CHFR: variants seen among roughly 807,000 people sequenced by gnomAD.
The protein encoded by CHFR is E3 ubiquitin-protein ligase CHFR.
A neutral mutation model predicts 87.6 loss-of-function variants in CHFR; 57 were observed. The ratio of observed to expected loss-of-function variants is 0.65; its 90% CI spans 0.53 to 0.81. The LOEUF (loss-of-function observed/expected upper bound fraction) is 0.81, where lower values mean the gene tolerates loss of function less well. CHFR is among the 30% of genes least tolerant of loss of function. The probability of loss-of-function intolerance (pLI) is 0.00; values close to 1 mark genes in which losing one functional copy is unlikely to be tolerated. For missense variants in CHFR, 797 were observed against 865.8 expected, an observed-to-expected ratio of 0.92 and a Z score of 1.00; for synonymous variants, 381 against 359.2, an observed-to-expected ratio of 1.06 and a Z score of -0.69.
chr12:132,853,822 G>T, intron 10 of CHFR: 1 of 505,530 alleles, frequency 2.0e-6, no homozygotes, highest in Non-Finnish European at 3.4e-6. Flanking sequence ...CCCATCCCCA[G>T]GGTCACTAGG....
rs146711897 is a variant in CHFR, at chr12:132,877,804, A to G, written c.134-150T>C. The G allele has an allele frequency of 7.1e-4, 272 of 383,934 alleles. 1 individual carries two copies. In the East Asian group the frequency reaches 0.013, roughly 18 times the overall value. 23.8% of individuals were successfully genotyped at this position (383,934 alleles called of 1,614,324 possible). ...ACTTGACCAAGAAAGACATAAAGAA[A>G]TTTTTTTTTTTTTCTTGAGACGGAG... is the stretch of plus-strand genomic sequence containing the variant. On this transcript the variant is annotated intron_variant, in intron 2 of 17. Coordinates refer to ENST00000450056, the MANE Select transcript of CHFR (RefSeq NM_001161346.2).
chr12:132,861,511 T>G lies in CHFR; in HGVS notation c.707A>C (p.Gln236Pro). The change falls in exon 7 of 18, where the codon CAG becomes CCG. Residue 236 changes from glutamine (Q) to proline (P), a missense_variant. Physicochemically the swap from Gln to Pro is moderately conservative, Grantham distance 76. Transcript: ENST00000450056. The stretch of plus-strand genomic sequence containing the variant: ...CACGGGCTCCAAATCCTCCTGATCC[T>G]GGGGTTCCAACGACGAAAAGGACGC... ...KTASFSSLEP[Q>P]DQEDLEPVKK... is the part of the protein sequence containing the mutation. 1.2e-6 allele frequency: 2 copies of G among 1,614,204 alleles called. No individual in the cohort carries two copies. The highest frequency in any genetic ancestry group is 1.7e-6 in the Non-Finnish European group (2 of 1,180,034).
At chr12:132,868,282 A>AGATC (rs1378392068) in intron 6 of CHFR, among the ~76,000 whole-genome samples, 11 of 152,214 alleles carry the variant, frequency 7.2e-5, no homozygotes, top group African/African-American at 2.7e-4. Context: ...CGAGGTCAGG[A>AGATC]GATCGAGACC....
At chr12:132,867,984 G>A (rs953633115) in intron 6 of CHFR, 11 of 151,810 alleles carry the variant, frequency 7.2e-5, no homozygotes, top group African/African-American at 2.4e-4. Flanking sequence ...TGTATAGCGC[G>A]ATCCAATTTA....
intron 2 of CHFR, 48 bp downstream of exon 2, chr12:132,887,148 G>A (rs1430204040): frequency 7.7e-6 from 11 of 1,419,918 alleles, no homozygotes; most frequent in Admixed American, 3.0e-5. Context: ...CCCGCAACCC[G>A]GTGGCTCTGC....
chr12:132,861,593 A>G lies in CHFR; in HGVS notation c.625T>C (p.Ser209Pro). Residue 209 changes from serine to proline, a missense_variant, in exon 7 of 18, where the codon TCT becomes CCT. This residue lies in a region of CHFR where 597 missense variants were observed against 601.2 expected (regional missense o/e 0.99). Coordinates refer to ENST00000450056, the MANE Select transcript of CHFR (RefSeq NM_001161346.2). ...CTGGAGACTTCATCACTTGCCACAG[A>G]GGGACCACTTCCTTTAGGGGAGATG... ...GGISPKGSGP[S>P]VASDEVSSFA... is the part of the protein sequence containing the mutation. 1 of 1,614,196 alleles carries G rather than the reference A, an allele frequency of 6.2e-7. No individual in the cohort carries two copies.
chr12:132,846,785 C>T (rs1950839557), intron 15 of CHFR, among the ~76,000 whole-genome samples: 1 of 152,150 alleles, frequency 6.6e-6, no homozygotes, highest in African/African-American at 2.4e-5. Flanking sequence ...GAGGTTGATG[C>T]AGGAGAATCG....
chr12:132,866,653 C>T (rs1300037040), intron 6 of CHFR: 6 of 151,824 alleles, frequency 4.0e-5, no homozygotes, highest in African/African-American at 9.7e-5. Context: ...TACAACACAC[C>T]GGAATGTTAC....
At chr12:132,852,564 A>T (rs1438864729) in intron 11 of CHFR, among the ~76,000 whole-genome samples, 1 of 152,210 alleles carries the variant, frequency 6.6e-6, no homozygotes, top group Non-Finnish European at 1.5e-5. Context: ...TTCACCACCC[A>T]GGTTCACTGA....
chr12:132,854,813 AAAC>A (rs910831247), intron 10 of CHFR: 1 of 149,112 alleles, frequency 6.7e-6, no homozygotes, highest in African/African-American at 2.5e-5. Flanking sequence ...CTCAAAAAAC[AAAC>A]AAACAAAAAA....
intron 2 of CHFR, among the ~76,000 whole-genome samples, chr12:132,886,557 T>G (rs4758887): frequency 0.093 from 14,205 of 152,134 alleles, 1,400 homozygotes; most frequent in East Asian, 0.47. Flanking sequence ...GATGGTCACT[T>G]GGGAGACTGG....
At chr12:132,879,005 G>T (rs12821394) in intron 2 of CHFR, among the ~76,000 whole-genome samples, 37,897 of 133,422 alleles carry the variant, frequency 0.28, 5,298 homozygotes, top group Middle Eastern at 0.46. Context: ...TTTTGTTTTT[G>T]TTTGTTTTTT....
intron 16 of CHFR, 120 bp downstream of exon 16, chr12:132,843,907 C>G (rs527905433): frequency 1.7e-6 from 1 of 605,426 alleles, no homozygotes; most frequent in East Asian, 3.0e-5. Context: ...CGAGATTGCA[C>G]CACTGCACTC....
intron 2 of CHFR, among the ~76,000 whole-genome samples, chr12:132,881,568 C>G (rs11147140): frequency 0.15 from 22,592 of 152,066 alleles, 1,941 homozygotes; most frequent in Middle Eastern, 0.22. Flanking sequence ...TAAGAATTGG[C>G]TGAAAATACT....
In CHFR at chr12:132,885,673, G is replaced by A. The variant is rs575126193; in HGVS notation, c.133+1523C>T. Reference sequence around the variant, plus strand: ...TGTATAACATGTTACAATAACAATGGCTAATGCTAAGTGCTAACGCTAAAG... The same window carrying A: ...TGTATAACATGTTACAATAACAATGACTAATGCTAAGTGCTAACGCTAAAG... On this transcript the variant is annotated intron_variant, in intron 2 of 17. Transcript: ENST00000450056. 2.0e-5 allele frequency among the ~76,000 whole-genome samples: 3 copies of A among 152,174 alleles called. No individual in the cohort carries two copies. In the East Asian group the frequency reaches 5.8e-4, roughly 29 times the overall value.
Position 132,837,805 on chromosome 12 carries a change from C to T in CHFR, c.*3749G>A, listed in dbSNP as rs1241951528. The stretch of plus-strand genomic sequence containing the variant: ...CACGGCTGCAGCCGCCCTCAGAAGG[C>T]GCAGGAGCTAGCGTGCATGCCAAAA... On this transcript the variant is annotated 3_prime_UTR_variant, in exon 18 of 18. Transcript: ENST00000450056. 1.3e-5 allele frequency: 2 copies of T among 152,374 alleles called. No homozygotes were observed. Among genetic ancestry groups the T allele is most frequent in the African/African-American group, 4.8e-5 (2 of 41,466 alleles). 9.4% of individuals were successfully genotyped at this position (152,374 alleles called of 1,614,324 possible).
Position 132,841,482 on chromosome 12 carries a change from G to T in CHFR, c.*72C>A. On this transcript the variant is annotated 3_prime_UTR_variant, in exon 18 of 18. Coordinates refer to ENST00000450056, the MANE Select transcript of CHFR (RefSeq NM_001161346.2). ...GGGGGCTGTGAAAACACCTTGACGTGCTTGTCTCTGTATTTTAAAAACACG... is the reference window on the plus strand; with the variant it reads ...GGGGGCTGTGAAAACACCTTGACGTTCTTGTCTCTGTATTTTAAAAACACG... The T allele has an allele frequency of 7.4e-7, 1 of 1,349,954 alleles. No homozygotes were observed. Among genetic ancestry groups the T allele is most frequent in the Non-Finnish European group, 1.1e-6 (1 of 939,586 alleles). The allele number at this position is 1,349,954 out of a possible 1,614,324, so 83.6% of individuals were successfully genotyped here.
intron 7 of CHFR, among the ~76,000 whole-genome samples, chr12:132,859,508 G>A (rs1340010902): frequency 6.6e-6 from 1 of 152,012 alleles, no homozygotes; most frequent in South Asian, 2.1e-4. Flanking sequence ...CCACCACCAC[G>A]CCCGGCTAAT....
intron 9 of CHFR, among the ~76,000 whole-genome samples, chr12:132,857,196 G>C (rs1161176874): frequency 7.0e-6 from 1 of 143,178 alleles, no homozygotes; most frequent in African/African-American, 2.6e-5. Context: ...TGGTGGTGGA[G>C]GGACCGCCCT....
Sources: gnomAD v4.1 joint callset for allele counts (sites outside exome capture counted in the v4.1 genomes callset) on GRCh38, gnomAD v4.1.1 for gene constraint, gnomAD v4.1.1 regional missense constraint, MANE v1.5 for transcripts, NCBI Gene and HGNC (gene_info 2026-07-23, HGNC 2026-07-21) for gene names.